CD274: variants seen among roughly 807,000 people sequenced by gnomAD.
The protein encoded by CD274 is CD274 molecule.
In CD274, 8 loss-of-function variants were observed where a neutral mutation model predicts 30.1. The ratio of observed to expected loss-of-function variants is 0.27; its 90% CI spans 0.16 to 0.48. The LOEUF is 0.48. Ranked by LOEUF, CD274 falls within the 20% of genes least tolerant of loss-of-function variation. The probability of loss-of-function intolerance (pLI) is 0.99; values close to 1 mark genes in which losing one functional copy is unlikely to be tolerated. For synonymous variants in CD274, 152 were observed against 124.6 expected (o/e 1.22, Z -1.46); for missense variants, 353 against 346.6 (o/e 1.02, Z -0.15).
intron 3 of CD274, among the ~76,000 whole-genome samples, chr9:5,462,189 C>A (rs1819416459): frequency 6.6e-6 from 1 of 152,028 alleles, no homozygotes. Context: ...AGATGAAATA[C>A]TATGTATTTT....
intron 3 of CD274, among the ~76,000 whole-genome samples, chr9:5,457,863 A>G (rs555347064): frequency 4.6e-5 from 7 of 152,066 alleles, no homozygotes; most frequent in African/African-American, 1.7e-4. Context: ...CTATTTTTTT[A>G]TTTTATTAGG....
chr9:5,465,727 C>G, intron 5 of CD274, 121 bp downstream of exon 5: 1 of 622,572 alleles, frequency 1.6e-6, no homozygotes, highest in South Asian at 1.9e-5. Context: ...TTCCACTGTT[C>G]AACAGCAATT....
intron 1 of CD274, among the ~76,000 whole-genome samples, chr9:5,454,639 ATATG>A (rs999755710): frequency 3.2e-4 from 40 of 124,104 alleles, no homozygotes; most frequent in African/African-American, 1.0e-3. Context: ...ATATATATAT[ATATG>A]TGTGTGTGTG....
intron 6 of CD274, among the ~76,000 whole-genome samples, chr9:5,467,416 GC>G (rs1819515406): frequency 6.6e-6 from 1 of 152,140 alleles, no homozygotes; most frequent in Admixed American, 6.5e-5. Context: ...TATAAGCAGG[GC>G]AGAAAAACCT....
intron 3 of CD274, among the ~76,000 whole-genome samples, chr9:5,458,765 T>C (rs1424555435): frequency 2.0e-5 from 3 of 152,228 alleles, no homozygotes; most frequent in Non-Finnish European, 2.9e-5. Flanking sequence ...TTAATTTTCA[T>C]TATATTTTAC....
Position 5,463,092 on chromosome 9 carries a change from A to G in CD274, c.653A>G (p.Glu218Gly), listed in dbSNP as rs762635948. 3.7e-6 allele frequency: 6 copies of G among 1,613,956 alleles called. No homozygotes were observed. Among genetic ancestry groups the G allele is most frequent in the Non-Finnish European group, 5.1e-6 (6 of 1,179,822 alleles). ...ACTTTTAGGAGATTAGATCCTGAGG[A>G]AAACCATACAGCTGAATTGGTCATC... ...YCTFRRLDPE[E>G]NHTAELVIPE... Residue 218 changes from glutamate to glycine, a missense_variant, in exon 4 of 7, where the codon GAA becomes GGA. Transcript: ENST00000381577.
chr9:5,456,136 T>C lies in CD274; in HGVS notation c.23T>C (p.Ile8Thr). ...AAGATGAGGATATTTGCTGTCTTTA[T>C]ATTCATGACCTACTGGCATTTGCTG... Reference protein sequence around the residue: MRIFAVFIFMTYWHLLNA... With the variant: MRIFAVFTFMTYWHLLNA... Residue 8 changes from isoleucine (I) to threonine (T), a missense_variant, in exon 2 of 7, where the codon ATA becomes ACA. Transcript: ENST00000381577. 6.2e-7 allele frequency: 1 copy of C among 1,609,930 alleles called. No homozygotes were observed. The highest frequency in any genetic ancestry group is 1.1e-5 in the South Asian group (1 of 90,966).
chr9:5,468,743 G>A lies in CD274; in HGVS notation c.*881G>A, dbSNP rs1269126052. 1.3e-5 allele frequency: 3 copies of A among 232,994 alleles called. No homozygotes were observed. Among genetic ancestry groups the A allele is most frequent in the Non-Finnish European group, 2.5e-5 (3 of 117,944 alleles). 14.4% of individuals were successfully genotyped at this position (232,994 alleles called of 1,614,324 possible). ...TTATTTTACCCATCGTACAGCTGAG[G>A]AAGCAAACAGATTAAGTAACTTGCC... On this transcript the variant is annotated 3_prime_UTR_variant, in exon 7 of 7. Coordinates refer to ENST00000381577, the MANE Select transcript of CD274 (RefSeq NM_014143.4).
chr9:5,466,835 A>C lies in CD274; in HGVS notation c.850+6A>C, dbSNP rs199577058. The C allele has an allele frequency of 6.7e-5, 107 of 1,604,840 alleles. 1 individual carries two copies. The highest frequency in any genetic ancestry group is 8.9e-5 in the Non-Finnish European group (105 of 1,173,414). On this transcript the variant is annotated splice_donor_region_variant and intron_variant, in intron 6 of 6. Coordinates refer to ENST00000381577, the MANE Select transcript of CD274 (RefSeq NM_014143.4). The stretch of plus-strand genomic sequence containing the variant: ...AAACTCAAAGAAGCAAAGTGGTAAG[A>C]ATATCAGAAGGAATTGGGAAGTAAA...
At chr9:5,460,462 G>A (rs1819384746) in intron 3 of CD274, among the ~76,000 whole-genome samples, 1 of 152,060 alleles carries the variant, frequency 6.6e-6, no homozygotes, top group Non-Finnish European at 1.5e-5. Flanking sequence ...TTCACATTTT[G>A]TTGTGTCTGA....
rs2131222941 is a variant in CD274 at position 5,462,855 on chromosome 9, A to G, written c.416A>G (p.Gln139Arg). ...KVNAPYNKIN[Q>R]RILVVDPVTS... The stretch of plus-strand genomic sequence containing the variant: ...CTAGCCCCATACAACAAAATCAACC[A>G]AAGAATTTTGGTTGTGGATCCAGTC... Residue 139 changes from glutamine (Q) to arginine (R), a missense_variant, in exon 4 of 7, where the codon CAA becomes CGA. Transcript: ENST00000381577. 7.4e-6 allele frequency: 12 copies of G among 1,613,540 alleles called. No individual in the cohort carries two copies. The highest frequency in any genetic ancestry group is 1.0e-5 in the Non-Finnish European group (12 of 1,179,552).
At chr9:5,453,021 A>G (rs1819234952) in intron 1 of CD274, among the ~76,000 whole-genome samples, 1 of 151,726 alleles carries the variant, frequency 6.6e-6, no homozygotes, top group Non-Finnish European at 1.5e-5. Flanking sequence ...AGTAATATTT[A>G]TATTTTATAA....
rs182006040 is a variant in CD274 at position 5,469,253 on chromosome 9, A to G, written c.*1391A>G. The G allele has an allele frequency of 7.7e-5, 18 of 232,854 alleles. No homozygotes were observed. The East Asian group carries it at 1.1e-3, about 14-fold the overall frequency. 14.4% of individuals were successfully genotyped at this position (232,854 alleles called of 1,614,324 possible). On this transcript the variant is annotated 3_prime_UTR_variant, in exon 7 of 7. Coordinates refer to ENST00000381577, the MANE Select transcript of CD274 (RefSeq NM_014143.4). ...CATATAATCTAATGCTTGTTTATAT[A>G]GTGTCTGGTATTGTTTAACAGTTCT...
At chr9:5,460,095 G>C (rs550035018) in intron 3 of CD274, among the ~76,000 whole-genome samples, 1 of 152,248 alleles carries the variant, frequency 6.6e-6, no homozygotes, top group African/African-American at 2.4e-5. Context: ...ATATACAGCA[G>C]AGTGGTGGTA....
chr9:5,451,283 T>C (rs1819198083), intron 1 of CD274, among the ~76,000 whole-genome samples: 1 of 152,226 alleles, frequency 6.6e-6, no homozygotes, highest in Admixed American at 6.5e-5. Context: ...ATGAATTAAA[T>C]AACCTTCTAA....
At position 5,467,826 on chromosome 9, in the gene CD274, T is replaced by G; in HGVS notation, c.851-14T>G. ...CACTTCCCATGAAATTAATATACTATTATCACTCTCCAGATACACATTTGG... is the reference window on the plus strand; with the variant it reads ...CACTTCCCATGAAATTAATATACTAGTATCACTCTCCAGATACACATTTGG... On this transcript the variant is annotated splice_polypyrimidine_tract_variant and intron_variant, in intron 6 of 6. Coordinates refer to ENST00000381577, the MANE Select transcript of CD274 (RefSeq NM_014143.4). 6.2e-7 allele frequency: 1 copy of G among 1,602,004 alleles called. No individual in the cohort carries two copies. The highest frequency in any genetic ancestry group is 8.6e-7 in the Non-Finnish European group (1 of 1,168,920).
chr9:5,459,829 T>C (rs1251410675), intron 3 of CD274, among the ~76,000 whole-genome samples: 5 of 152,142 alleles, frequency 3.3e-5, no homozygotes, highest in African/African-American at 4.8e-5. Context: ...AAGTGTTGCA[T>C]AGTTGTCCCG....
chr9:5,457,615 C>G (rs928781470), intron 3 of CD274, among the ~76,000 whole-genome samples, 195 bp downstream of exon 3: 1 of 152,174 alleles, frequency 6.6e-6, no homozygotes, highest in Admixed American at 6.5e-5. Context: ...CACTGGAAAT[C>G]CAGAGACAAA....
At chr9:5,466,484 A>C (rs2131232163) in intron 5 of CD274, among the ~76,000 whole-genome samples, 1 of 152,298 alleles carries the variant, frequency 6.6e-6, no homozygotes, top group South Asian at 2.1e-4. Context: ...TGGCAGTAGA[A>C]ATGGATAGAA....
Sources: allele counts gnomAD v4.1 joint callset (sites outside exome capture counted in the v4.1 genomes callset), GRCh38; gene constraint gnomAD v4.1.1; transcripts MANE v1.5; gene names NCBI Gene and HGNC (gene_info 2026-07-23, HGNC 2026-07-21).